NBPF15: variants seen among roughly 807,000 people sequenced by gnomAD.
The protein encoded by NBPF15 is NBPF family member NBPF15.
Under a neutral mutation model 62.2 loss-of-function variants are expected in NBPF15, and 74 were observed. The ratio of observed to expected loss-of-function variants is 1.19; its 90% CI spans 0.99 to 1.44. NBPF15 has a LOEUF of 1.44. Among genes scored for constraint, NBPF15 ranks in the 40% most tolerant of loss-of-function variants. The pLI is 0.00. For missense variants in NBPF15, 790 were observed against 550.0 expected, an observed-to-expected ratio of 1.44 and a Z score of -4.36; for synonymous variants, 244 against 209.7, an observed-to-expected ratio of 1.16 and a Z score of -1.41.
At chr1:144,446,249 A>T (rs1687459934) in intron 6 of NBPF15, among the ~76,000 whole-genome samples, 1 of 150,034 alleles carries the variant, frequency 6.7e-6, no homozygotes, top group Admixed American at 6.6e-5. Context: ...GCTAATATAC[A>T]GAAATACAAA....
chr1:144,423,223 A>G lies in NBPF15; in HGVS notation c.1803T>C (p.Pro601=). Residue 601 remains proline (P), a synonymous_variant, in exon 22 of 22, where the codon CCT becomes CCC. Coordinates refer to ENST00000581897, the MANE Select transcript of NBPF15 (RefSeq NM_001385408.1). ...TATCCAGTGAGTCCTGTAAGACTTCAGGCTCTTCCACTTCCATCAGCACGC... is the reference window on the plus strand; with the variant it reads ...TATCCAGTGAGTCCTGTAAGACTTCGGGCTCTTCCACTTCCATCAGCACGC... ...LYGVLMEVEE[P]EVLQDSLDRC... 6.2e-7 allele frequency: 1 copy of G among 1,611,532 alleles called. No homozygotes were observed. The highest frequency in any genetic ancestry group is 1.7e-5 in the Admixed American group (1 of 59,974).
At chr1:144,438,990 ATTAT>A (rs1317030973) in intron 8 of NBPF15, among the ~76,000 whole-genome samples, 4 of 151,144 alleles carry the variant, frequency 2.6e-5, no homozygotes, top group Non-Finnish European at 5.9e-5. Context: ...TATCATTATT[ATTAT>A]TATTTTTTTT....
At chr1:144,433,264 A>T (rs1351671327) in intron 13 of NBPF15, among the ~76,000 whole-genome samples, 1 of 152,090 alleles carries the variant, frequency 6.6e-6, no homozygotes, top group African/African-American at 2.4e-5. Context: ...GAGAACAAAG[A>T]CACAACATAC....
intron 15 of NBPF15, among the ~76,000 whole-genome samples, 188 bp from the exon 16 acceptor site, chr1:144,428,178 GACACACACAC>G (rs782021320): frequency 6.0e-5 from 8 of 132,468 alleles, no homozygotes; most frequent in South Asian, 4.9e-4. Flanking sequence ...GAAAGAGAAA[GACACACACAC>G]ACACACACAC....
Position 144,439,889 on chromosome 1 carries a change from T to G in NBPF15, c.115A>C (p.Lys39Gln), listed in dbSNP as rs1374310668. 1 of 1,611,102 alleles carries G rather than the reference T, an allele frequency of 6.2e-7. No homozygotes were observed. The highest frequency in any genetic ancestry group is 1.7e-5 in the Admixed American group (1 of 59,940). ...AGTTGAGTTAGAAAACATTTCTCTTTGAGGTTTCTGAACTGCTGTTTCTTC... is the reference window on the plus strand; with the variant it reads ...AGTTGAGTTAGAAAACATTTCTCTTGGAGGTTTCTGAACTGCTGTTTCTTC... ...AEKKQQFRNLKEKCFLTQLAG... is the reference protein window; with the variant it reads ...AEKKQQFRNLQEKCFLTQLAG... The change falls in exon 8 of 22, where the codon AAA (lysine) becomes CAA (glutamine). Residue 39 changes from lysine (K) to glutamine (Q), a missense_variant. Transcript: ENST00000581897.
At chr1:144,442,839 C>T (rs1170316623) in intron 6 of NBPF15, 7 of 211,640 alleles carry the variant, frequency 3.3e-5, no homozygotes, top group Admixed American at 9.1e-5. Flanking sequence ...GGGAATTGAC[C>T]GTGGATCTTC....
rs587719871 is a variant in NBPF15 at position 144,455,437 on chromosome 1, G to A, written c.-432+1100C>T. On this transcript the variant is annotated intron_variant, in intron 4 of 21. Coordinates refer to ENST00000581897, the MANE Select transcript of NBPF15 (RefSeq NM_001385408.1). Reference sequence around the variant, plus strand: ...CTGTAAAACTATATGCTGTTTCCACGGGGTACAACCCCTTCTTCCTCCTCT... The same window carrying A: ...CTGTAAAACTATATGCTGTTTCCACAGGGTACAACCCCTTCTTCCTCCTCT... Among the ~76,000 whole-genome samples the A allele has an allele frequency of 4.6e-5, 7 of 152,094 alleles. 1 individual carries two copies. The highest frequency in any genetic ancestry group is 2.6e-4 in the Admixed American group (4 of 15,268).
chr1:144,440,054 C>A lies in NBPF15; in HGVS notation c.-35-16G>T, dbSNP rs1553542322. ...GAGTCAGGGACTGGGGAGAAGAAAC[C>A]CAAACATATGATGGGTTAAAAACTG... On this transcript the variant is annotated splice_polypyrimidine_tract_variant and intron_variant, in intron 7 of 21. Transcript: ENST00000581897. 1 of 1,574,588 alleles carries A rather than the reference C, an allele frequency of 6.4e-7. No homozygotes were observed. Among genetic ancestry groups the A allele is most frequent in the South Asian group, 1.1e-5 (1 of 90,152 alleles).
chr1:144,441,759 C>T (rs1553542699), intron 6 of NBPF15, among the ~76,000 whole-genome samples: 1 of 151,516 alleles, frequency 6.6e-6, no homozygotes, highest in Admixed American at 6.6e-5. Context: ...TCTAATTTAA[C>T]TTTCACATCT....
chr1:144,426,224 C>G (rs1414651195), intron 18 of NBPF15, 54 bp downstream of exon 18: 3 of 581,658 alleles, frequency 5.2e-6, no homozygotes, highest in Non-Finnish European at 8.8e-6. Flanking sequence ...AGGAATATCA[C>G]CCCTATCTGG....
intron 4 of NBPF15, among the ~76,000 whole-genome samples, chr1:144,455,642 CT>C (rs1694008542): frequency 2.6e-5 from 4 of 152,030 alleles, no homozygotes; most frequent in Admixed American, 2.6e-4. Flanking sequence ...GCCTCAGCCC[CT>C]GGGTCTGACA....
Position 144,426,410 on chromosome 1 carries a change from A to C in NBPF15, c.1306T>G (p.Leu436Val), listed in dbSNP as rs782623754. The C allele has an allele frequency of 3.7e-6, 3 of 804,938 alleles. No individual in the cohort carries two copies. The Admixed American group carries it at 5.1e-5, about 14-fold the overall frequency. The allele number at this position is 804,938 out of a possible 1,614,324, so 49.9% of individuals were successfully genotyped here. The change falls in exon 18 of 22, where the codon TTG becomes GTG. Residue 436 changes from leucine (L) to valine (V), a missense_variant. Leu to Val is a conservative substitution (Grantham distance 32, BLOSUM62 1). Coordinates refer to ENST00000581897, the MANE Select transcript of NBPF15 (RefSeq NM_001385408.1). ...ELLDEKEPEVLQDSLDRCYST... is the reference protein window; with the variant it reads ...ELLDEKEPEVVQDSLDRCYST... ...TAACATCTATCCAGTGAGTCCTGCA[A>C]GACTTCAGGCTCTTTCTCATCCAGC...
intron 8 of NBPF15, among the ~76,000 whole-genome samples, chr1:144,438,536 G>T (rs1463238105): frequency 1.3e-5 from 2 of 151,924 alleles, no homozygotes; most frequent in African/African-American, 4.8e-5. Context: ...CTTCAGTTAT[G>T]ATTTTAAGAA....
In NBPF15 at chr1:144,423,138, T is replaced by C. The variant is rs782634563; in HGVS notation, c.1888A>G (p.Ser630Gly). 7 of 1,611,466 alleles carry C rather than the reference T, an allele frequency of 4.3e-6. No individual in the cohort carries two copies. The highest frequency in any genetic ancestry group is 5.9e-6 in the Non-Finnish European group (7 of 1,179,614). ...EQPDSFQHYRSVFYSFEEEHI... is the reference protein window; with the variant it reads ...EQPDSFQHYRGVFYSFEEEHI... ...TCTTCCTCAAATGAGTAAAACACAC[T>C]TCTGTAGTGCTGGAATGAGTCAGGT... is the stretch of plus-strand genomic sequence containing the variant. The change falls in exon 22 of 22, where the codon AGT becomes GGT. Residue 630 changes from serine (S) to glycine (G), a missense_variant. Ser to Gly is a moderately conservative substitution (Grantham distance 56). Transcript: ENST00000581897.
chr1:144,461,106 C>T (rs1553548354), intron 1 of NBPF15, 145 bp from the exon 2 acceptor site: 1 of 151,490 alleles, frequency 6.6e-6, no homozygotes, highest in African/African-American at 2.4e-5. Context: ...CAGGGTCCTC[C>T]ACAGGATACA....
At chr1:144,423,842 T>C (rs1234607572) in intron 21 of NBPF15, 28 bp downstream of exon 21, 2 of 763,156 alleles carry the variant, frequency 2.6e-6, no homozygotes, top group African/African-American at 3.4e-5. Flanking sequence ...TAACACAGAA[T>C]TAAGCATCCA....
chr1:144,428,727 T>C (rs1178649378), intron 14 of NBPF15, 70 bp from the exon 15 acceptor site: 2 of 709,544 alleles, frequency 2.8e-6, no homozygotes, highest in East Asian at 2.5e-5. Flanking sequence ...CATTCCTCTG[T>C]CCAATCCTAA....
chr1:144,455,411 A>G (rs1693852251), intron 4 of NBPF15, among the ~76,000 whole-genome samples: 2 of 152,022 alleles, frequency 1.3e-5, no homozygotes, highest in Non-Finnish European at 2.9e-5. Context: ...CAGATGCACT[A>G]CTGTAAAACT....
At chr1:144,451,099 AG>A (rs1474186819) in intron 4 of NBPF15, among the ~76,000 whole-genome samples, 3 of 151,738 alleles carry the variant, frequency 2.0e-5, no homozygotes, top group African/African-American at 7.3e-5. Context: ...ATTTCCGGAG[AG>A]GGGGATGTGG....
Sources: allele counts gnomAD v4.1 joint callset (sites outside exome capture counted in the v4.1 genomes callset), GRCh38; gene constraint gnomAD v4.1.1; transcripts MANE v1.5; gene names NCBI Gene and HGNC (gene_info 2026-07-23, HGNC 2026-07-21).